Variants in NECAB1 observed in about 807,000 individuals in gnomAD.
NECAB1 encodes the protein N-terminal EF-hand calcium binding protein 1.
In NECAB1, 29 loss-of-function variants were observed where a neutral mutation model predicts 57.5. The observed-to-expected ratio is 0.50, with a 90% CI of 0.38 to 0.69. NECAB1 has a LOEUF of 0.69. Ranked by LOEUF, NECAB1 falls within the 30% of genes least tolerant of loss-of-function variation. NECAB1 has a pLI of 0.00. For missense variants in NECAB1, 372 were observed against 413.8 expected (o/e 0.90, Z 0.88); for synonymous variants, 142 against 147.7 (o/e 0.96, Z 0.28).
At chr8:90,942,372 G>C (rs1810691898) in intron 10 of NECAB1, among the ~76,000 whole-genome samples, 1 of 152,154 alleles carries the variant, frequency 6.6e-6, no homozygotes, top group Non-Finnish European at 1.5e-5. Context: ...TACTTCCTCA[G>C]TGCCACTAAC....
At chr8:90,922,486 A>ATTTTTTT (rs577951495) in intron 6 of NECAB1, among the ~76,000 whole-genome samples, 690 of 57,498 alleles carry the variant, frequency 0.012, 94 homozygotes, top group Non-Finnish European at 0.016. Context: ...AAAAACTTGG[A>ATTTTTTT]TTTTTTTTTT....
intron 10 of NECAB1, among the ~76,000 whole-genome samples, chr8:90,945,417 C>CT: frequency 6.6e-6 from 1 of 152,090 alleles, no homozygotes; most frequent in Non-Finnish European, 1.5e-5. Context: ...CCTGGATGGT[C>CT]TTGAACTCCT....
At chr8:90,883,205 T>C (rs575215636) in intron 5 of NECAB1, among the ~76,000 whole-genome samples, 2 of 152,274 alleles carry the variant, frequency 1.3e-5, no homozygotes, top group Non-Finnish European at 2.9e-5. Context: ...TGATTCATAT[T>C]ATACTGTTTA....
chr8:90,944,994 C>T (rs1249571434), intron 10 of NECAB1, among the ~76,000 whole-genome samples: 2 of 152,022 alleles, frequency 1.3e-5, no homozygotes, highest in Non-Finnish European at 2.9e-5. Context: ...ACCTCCCAGG[C>T]TCAAGTGATC....
chr8:90,867,329 A>G (rs1808537670), intron 3 of NECAB1, among the ~76,000 whole-genome samples: 1 of 152,232 alleles, frequency 6.6e-6, no homozygotes, highest in Admixed American at 6.5e-5. Context: ...GAAGCTGCAA[A>G]CCATTCTGAG....
At chr8:90,818,164 ATG>A (rs1672005105) in intron 2 of NECAB1, among the ~76,000 whole-genome samples, 1 of 151,850 alleles carries the variant, frequency 6.6e-6, no homozygotes, top group East Asian at 1.9e-4. Context: ...GATATTGATA[ATG>A]TGTGTTTTCT....
chr8:90,803,700 T>G (rs1707777261), intron 2 of NECAB1, among the ~76,000 whole-genome samples: 1 of 152,154 alleles, frequency 6.6e-6, no homozygotes, highest in Non-Finnish European at 1.5e-5. Flanking sequence ...CTACCTGCCT[T>G]TCTGCTCTTA....
chr8:90,836,825 G>A (rs376319438), intron 3 of NECAB1, among the ~76,000 whole-genome samples: 13 of 152,290 alleles, frequency 8.5e-5, no homozygotes, highest in South Asian at 4.1e-4. Flanking sequence ...ATAAATGAAT[G>A]AATATTACTT....
chr8:90,951,515 G>A (rs1045240892), intron 12 of NECAB1, among the ~76,000 whole-genome samples: 2 of 151,926 alleles, frequency 1.3e-5, no homozygotes, highest in Admixed American at 6.6e-5. Flanking sequence ...TTATCATATT[G>A]TAATTTAGTG....
At chr8:90,871,042 C>G (rs1356359324) in intron 3 of NECAB1, among the ~76,000 whole-genome samples, 3 of 151,848 alleles carry the variant, frequency 2.0e-5, no homozygotes, top group African/African-American at 7.3e-5. Flanking sequence ...CATAAAAGTA[C>G]CCAATGTTTG....
chr8:90,858,693 G>A (rs536783667), intron 3 of NECAB1, among the ~76,000 whole-genome samples: 5 of 150,442 alleles, frequency 3.3e-5, no homozygotes, highest in Non-Finnish European at 5.9e-5. Flanking sequence ...TCTAGATTCC[G>A]AAGAATATTG....
At chr8:90,906,874 CACATAT>C (rs1337803926) in intron 5 of NECAB1, among the ~76,000 whole-genome samples, 1 of 42,654 alleles carries the variant, frequency 2.3e-5, no homozygotes, top group African/African-American at 2.1e-4. Flanking sequence ...ATATGATATA[CACATAT>C]ATATATATAT....
chr8:90,816,184 G>C (rs1157791573), intron 2 of NECAB1, among the ~76,000 whole-genome samples: 1 of 151,720 alleles, frequency 6.6e-6, no homozygotes, highest in African/African-American at 2.4e-5. Flanking sequence ...TAGATCTTTT[G>C]CTGATTTTTA....
intron 3 of NECAB1, among the ~76,000 whole-genome samples, chr8:90,864,269 C>T (rs542049604): frequency 3.2e-4 from 45 of 138,788 alleles, no homozygotes; most frequent in African/African-American, 9.2e-4. Flanking sequence ...TAAGAAACAA[C>T]TCTGGTGGAA....
At chr8:90,851,107 C>T (rs1002156957) in intron 3 of NECAB1, among the ~76,000 whole-genome samples, 1 of 152,190 alleles carries the variant, frequency 6.6e-6, no homozygotes. Flanking sequence ...GTTAAGACAG[C>T]ATCCAGGTTT....
At chr8:90,851,555 A>G (rs2129777916) in intron 3 of NECAB1, among the ~76,000 whole-genome samples, 1 of 152,286 alleles carries the variant, frequency 6.6e-6, no homozygotes, top group South Asian at 2.1e-4. Flanking sequence ...ATTTGGTGTC[A>G]TAAGTATTTT....
At chr8:90,799,935 G>T (rs1811733303) in intron 1 of NECAB1, among the ~76,000 whole-genome samples, 1 of 152,174 alleles carries the variant, frequency 6.6e-6, no homozygotes, top group Admixed American at 6.5e-5. Flanking sequence ...TCCAATTCTT[G>T]AGCATGGAAT....
intron 8 of NECAB1, among the ~76,000 whole-genome samples, chr8:90,933,484 C>T (rs937472955): frequency 2.6e-5 from 4 of 152,182 alleles, no homozygotes; most frequent in Admixed American, 2.0e-4. Context: ...GAATGGACAA[C>T]CAACCATTCT....
At chr8:90,846,976 C>A (rs1010988051) in intron 3 of NECAB1, among the ~76,000 whole-genome samples, 2 of 152,184 alleles carry the variant, frequency 1.3e-5, no homozygotes, top group Non-Finnish European at 2.9e-5. Flanking sequence ...CCTCTCAAAT[C>A]TAATGTTCCC....
Sources: gnomAD v4.1 joint callset for allele counts (sites outside exome capture counted in the v4.1 genomes callset) on GRCh38, gnomAD v4.1.1 for gene constraint, MANE v1.5 for transcripts, NCBI Gene and HGNC (gene_info 2026-07-23, HGNC 2026-07-21) for gene names.